PDE3B: variants seen among roughly 807,000 people sequenced by gnomAD.
PDE3B encodes the protein phosphodiesterase 3B.
In PDE3B, 66 loss-of-function variants were observed where a neutral mutation model predicts 116.8. That is an observed-to-expected ratio of 0.56 (90% confidence interval 0.46 to 0.69). PDE3B has a LOEUF of 0.69. Ranked by LOEUF, PDE3B falls within the 30% of genes least tolerant of loss-of-function variation. The pLI, the probability that PDE3B is intolerant of heterozygous loss-of-function variation, is 0.00. For synonymous variants in PDE3B, 595 were observed against 533.6 expected (o/e 1.12, Z -1.59); for missense variants, 1,384 against 1,368.1 (o/e 1.01, Z -0.18).
rs1565161105 is a variant in PDE3B, at chr11:14,843,921, C to T, written c.2415C>T (p.Asn805=). The change falls in exon 12 of 16, where the codon AAC becomes AAT. Residue 805 remains asparagine (N), a synonymous_variant. Coordinates refer to ENST00000282096, the MANE Select transcript of PDE3B (RefSeq NM_000922.4). ...PDESYGCLSS[N]IPALELMALY... ...AGAGTTATGGCTGCCTGTCTTCAAACATTCCTGCATTAGAATTGATGGCTC... is the reference window on the plus strand; with the variant it reads ...AGAGTTATGGCTGCCTGTCTTCAAATATTCCTGCATTAGAATTGATGGCTC... The T allele has an allele frequency of 1.9e-6, 3 of 1,614,046 alleles. No individual in the cohort carries two copies. Among genetic ancestry groups the T allele is most frequent in the Non-Finnish European group, 2.5e-6 (3 of 1,179,888 alleles).
At chr11:14,838,018 G>A (rs1027393558) in intron 11 of PDE3B, among the ~76,000 whole-genome samples, 9 of 149,466 alleles carry the variant, frequency 6.0e-5, no homozygotes, top group South Asian at 4.2e-4. Context: ...TCACTTTGTC[G>A]CCCAGGCTGG....
chr11:14,755,317 G>C (rs537390973), intron 1 of PDE3B, among the ~76,000 whole-genome samples: 1 of 152,154 alleles, frequency 6.6e-6, no homozygotes, highest in Non-Finnish European at 1.5e-5. Flanking sequence ...ATACAAGTTA[G>C]GGATTTTCCG....
At chr11:14,772,133 C>T in intron 2 of PDE3B, 146 bp downstream of exon 2, 1 of 431,616 alleles carries the variant, frequency 2.3e-6, no homozygotes, top group South Asian at 4.5e-5. Flanking sequence ...AATAAGTTAA[C>T]TAGAACCTTC....
intron 12 of PDE3B, among the ~76,000 whole-genome samples, chr11:14,852,969 T>C (rs1401042158): frequency 6.6e-6 from 1 of 151,572 alleles, no homozygotes; most frequent in Non-Finnish European, 1.5e-5. Flanking sequence ...CATAAAATGT[T>C]CTGCAAGGCC....
intron 1 of PDE3B, among the ~76,000 whole-genome samples, chr11:14,709,138 A>T (rs1293694405): frequency 6.6e-6 from 1 of 152,048 alleles, no homozygotes; most frequent in South Asian, 2.1e-4. Context: ...TGTGGATTGG[A>T]TGTTAGAACT....
At position 14,844,653 on chromosome 11, in the gene PDE3B, G is replaced by A. The variant is rs148817826; in HGVS notation, c.2520+627G>A. ...CACCCCAGTACTACGCTTTTCCGAC[G>A]GGCTTAAAAAACGGCGCACCAGGAG... On this transcript the variant is annotated intron_variant, in intron 12 of 15. Transcript: ENST00000282096. Among the ~76,000 whole-genome samples, 610 of 152,322 alleles carry A rather than the reference G, an allele frequency of 4.0e-3. 7 individuals are homozygous for A. The highest frequency in any genetic ancestry group is 0.013 in the Admixed American group (193 of 15,298).
intron 14 of PDE3B, 56 bp downstream of exon 14, chr11:14,861,422 A>T (rs1163055662): frequency 6.7e-7 from 1 of 1,497,954 alleles, no homozygotes; most frequent in African/African-American, 1.4e-5. Flanking sequence ...AGAAGACACT[A>T]CTCTTTGGGT....
intron 2 of PDE3B, among the ~76,000 whole-genome samples, chr11:14,778,648 A>G (rs1002144102): frequency 3.3e-5 from 5 of 151,936 alleles, no homozygotes; most frequent in Admixed American, 1.3e-4. Flanking sequence ...GAACATTCAC[A>G]CCAGAACCCC....
chr11:14,789,154 G>A lies in PDE3B; in HGVS notation c.1327G>A (p.Gly443Arg). ...AACTCCACAGCTGAGGAGAAGCTCAGGAACTTCAGGATTGCTACCTGTTGA... is the reference window on the plus strand; with the variant it reads ...AACTCCACAGCTGAGGAGAAGCTCAAGAACTTCAGGATTGCTACCTGTTGA... ...LPTPQLRRSS[G>R]TSGLLPVEQS... The change falls in exon 4 of 16, where the codon GGA becomes AGA. Residue 443 changes from glycine (G) to arginine (R), a missense_variant. Transcript: ENST00000282096. 6.2e-7 allele frequency: 1 copy of A among 1,610,746 alleles called. No individual in the cohort carries two copies. The highest frequency in any genetic ancestry group is 8.5e-7 in the Non-Finnish European group (1 of 1,177,472).
chr11:14,845,085 C>G (rs1471548419), intron 12 of PDE3B, among the ~76,000 whole-genome samples: 1 of 152,082 alleles, frequency 6.6e-6, no homozygotes, highest in East Asian at 1.9e-4. Flanking sequence ...TGGGAGGCAC[C>G]CCCTAGTAGG....
intron 1 of PDE3B, among the ~76,000 whole-genome samples, chr11:14,712,659 G>C (rs1855745446): frequency 6.6e-6 from 1 of 151,940 alleles, no homozygotes. Flanking sequence ...ATTTTTAATA[G>C]TGACAGGGTT....
At chr11:14,798,582 G>C (rs1858634016) in intron 4 of PDE3B, among the ~76,000 whole-genome samples, 1 of 152,096 alleles carries the variant, frequency 6.6e-6, no homozygotes, top group Admixed American at 6.6e-5. Context: ...TTGGTTGGTA[G>C]GCTATTAATT....
At chr11:14,890,088 C>T in the PDE3B span, among the ~76,000 whole-genome samples, 2 of 152,130 alleles carry the variant, frequency 1.3e-5, no homozygotes, top group Non-Finnish European at 2.9e-5. Flanking sequence ...GAGATGGCGT[C>T]ACTGCACTCC....
rs377485157 is a variant in PDE3B, at chr11:14,736,737, C to A, written c.979-35200C>A. Among the ~76,000 whole-genome samples the A allele has an allele frequency of 2.2e-4, 33 of 152,250 alleles. No homozygotes were observed. In the Middle Eastern group the frequency reaches 0.01, roughly 47 times the overall value. ...GGTTCTGGAATACTGGAGATAGATACATGCCATTCTGATTTTCAGAAGGGA... is the reference window on the plus strand; with the variant it reads ...GGTTCTGGAATACTGGAGATAGATAAATGCCATTCTGATTTTCAGAAGGGA... On this transcript the variant is annotated intron_variant, in intron 1 of 15. Transcript: ENST00000282096.
chr11:14,759,287 A>C (rs2133885031), intron 1 of PDE3B, among the ~76,000 whole-genome samples: 1 of 152,284 alleles, frequency 6.6e-6, no homozygotes, highest in East Asian at 1.9e-4. Flanking sequence ...GCCTCATAAA[A>C]TGAGTTAGGG....
the PDE3B span, chr11:14,892,070 G>C: frequency 1.9e-6 from 3 of 1,611,752 alleles, 1 homozygote; most frequent in South Asian, 3.3e-5. Flanking sequence ...ATAAATGGCA[G>C]CCCCGGCGGC....
At chr11:14,866,001 T>C (rs1848038430) in intron 14 of PDE3B, among the ~76,000 whole-genome samples, 1 of 152,190 alleles carries the variant, frequency 6.6e-6, no homozygotes, top group African/African-American at 2.4e-5. Flanking sequence ...CTGGCTTCTC[T>C]TCCTTATCTC....
chr11:14,690,529 G>A (rs1007771066), intron 1 of PDE3B, among the ~76,000 whole-genome samples: 1 of 151,430 alleles, frequency 6.6e-6, no homozygotes, highest in Non-Finnish European at 1.5e-5. Flanking sequence ...CTGGATTCTT[G>A]TGATGTTTAT....
At chr11:14,735,586 C>A (rs1260012690) in intron 1 of PDE3B, among the ~76,000 whole-genome samples, 1 of 152,186 alleles carries the variant, frequency 6.6e-6, no homozygotes. Context: ...CTGCACCTGC[C>A]AGCCACGAAT....
Sources: allele counts gnomAD v4.1 joint callset (sites outside exome capture counted in the v4.1 genomes callset), GRCh38; gene constraint gnomAD v4.1.1; transcripts MANE v1.5; gene names NCBI Gene and HGNC (gene_info 2026-07-23, HGNC 2026-07-21).